The following HCN2 variants were observed in gnomAD, a reference collection of about 807,000 sequenced individuals.
The protein encoded by HCN2 is hyperpolarization activated cyclic nucleotide gated potassium and sodium channel 2, also known as potassium/sodium hyperpolarization-activated cyclic nucleotide-gated channel 2.
Under a neutral mutation model 52.3 loss-of-function variants are expected in HCN2, and 20 were observed. The observed-to-expected ratio is 0.38, with a 90% confidence interval of 0.27 to 0.56. The LOEUF (loss-of-function observed/expected upper bound fraction) is 0.56. Ranked by LOEUF, HCN2 falls within the 20% of genes least tolerant of loss-of-function variation. HCN2 has a pLI of 0.71. For missense variants in HCN2, 981 were observed against 1,207.7 expected (o/e 0.81, Z 2.78); for synonymous variants, 694 against 537.0 (o/e 1.29, Z -4.04).
At position 590,840 on chromosome 19, in the gene HCN2, G is replaced by A. The variant is rs915434018; in HGVS notation, c.632+263G>A. 4.8e-5 allele frequency: 12 copies of A among 250,436 alleles called. No homozygotes were observed. The highest frequency in any genetic ancestry group is 9.1e-5 in the Non-Finnish European group (12 of 131,830). The allele number at this position is 250,436 out of a possible 1,614,324, so 15.5% of individuals were successfully genotyped here. On this transcript the variant is annotated intron_variant, in intron 1 of 7. Coordinates refer to ENST00000251287, the MANE Select transcript of HCN2 (RefSeq NM_001194.4). The surrounding 1 kb of genome is among the most constrained non-coding windows in gnomAD (Gnocchi z 7.2). ...CATCCTCCGCCCTGCGGCGCGGCGG[G>A]TGGGGTGGGCCGCAGGGCCAGGGTC...
chr19:608,881 C>T (rs371315780), intron 4 of HCN2, among the ~76,000 whole-genome samples: 2 of 152,106 alleles, frequency 1.3e-5, no homozygotes, highest in Non-Finnish European at 2.9e-5. Context: ...TGGCCTGCAG[C>T]GTCCATTGGG....
In HCN2 at chr19:616,408, AC is replaced by A; in HGVS notation, c.2607del (p.Gly870AlafsTer57). 1.6e-6 allele frequency: 2 copies of A among 1,234,122 alleles called. No individual in the cohort carries two copies. Among genetic ancestry groups the A allele is most frequent in the South Asian group, 2.2e-5 (1 of 45,110 alleles). The allele number at this position is 1,234,122 out of a possible 1,614,324, so 76.4% of individuals were successfully genotyped here. A position where few individuals can be genotyped will look rare whatever the true frequency, so the allele number is the denominator to read the frequency against. On this transcript the variant is annotated frameshift_variant, in exon 8 of 8. Coordinates refer to ENST00000251287, the MANE Select transcript of HCN2 (RefSeq NM_001194.4). LOFTEE classifies it low-confidence loss of function (END_TRUNC). ...GCCCGGACCGCAGGGACTCGGCCTC[AC>A]CCGGCGCCGCCGGCGGCCTGGACCC... ...PSPDRRDSASPGAAGGLDPQD... is the reference protein window; with the variant it reads ...PSPDRRDSASXGAAGGLDPQD...
At position 616,702 on chromosome 19, in the gene HCN2, C is replaced by T. The variant is rs1050414411; in HGVS notation, c.*228C>T. ...CCACCCCCATCGCCCCTGCCCCCGG[C>T]GGCGGCCTCGCGTGCGAGGGGGCTC... is the stretch of plus-strand genomic sequence containing the variant. On this transcript the variant is annotated 3_prime_UTR_variant, in exon 8 of 8. Coordinates refer to ENST00000251287, the MANE Select transcript of HCN2 (RefSeq NM_001194.4). 32 of 213,482 alleles carry T rather than the reference C, an allele frequency of 1.5e-4. No homozygotes were observed. The highest frequency in any genetic ancestry group is 2.9e-4 in the Admixed American group (5 of 17,056). The allele number at this position is 213,482 out of a possible 1,614,324, so 13.2% of individuals were successfully genotyped here. A position where few individuals can be genotyped will look rare whatever the true frequency, so the allele number is the denominator to read the frequency against.
rs34104611 is a variant in HCN2, at chr19:610,243, C to G, written c.1438-16C>G. 222,795 of 1,607,198 alleles carry G rather than the reference C, an allele frequency of 0.14. 16,371 individuals carry two copies. The highest frequency in any genetic ancestry group is 0.16 in the South Asian group (14,496 of 90,906). On this transcript the variant is annotated splice_polypyrimidine_tract_variant and intron_variant, in intron 4 of 7. Coordinates refer to ENST00000251287, the MANE Select transcript of HCN2 (RefSeq NM_001194.4). ...CCGGGGGCGGTGTCTGACCCAGCCT[C>G]GCCTCCTCCCCACAGTACAAGCAGG...
chr19:610,944 C>T (rs1474112137), intron 5 of HCN2, among the ~76,000 whole-genome samples: 1 of 152,202 alleles, frequency 6.6e-6, no homozygotes, highest in Non-Finnish European at 1.5e-5. Context: ...GAGGATCCTT[C>T]CTGCCTCTTC....
intron 7 of HCN2, among the ~76,000 whole-genome samples, chr19:614,648 A>C (rs1439700634): frequency 2.1e-4 from 32 of 152,048 alleles, no homozygotes; most frequent in Admixed American, 2.0e-3. Context: ...TTGGGGAAGA[A>C]GGGGAGGCCA....
chr19:615,769 A>G (rs1242561261), intron 7 of HCN2, 26 bp from the exon 8 acceptor site: 1 of 1,608,364 alleles, frequency 6.2e-7, no homozygotes, highest in Admixed American at 1.7e-5. Flanking sequence ...CTCCCTGTGC[A>G]CACGCTAACG....
At chr19:612,419 T>TGC (rs1247504083) in intron 5 of HCN2, among the ~76,000 whole-genome samples, 2 of 117,206 alleles carry the variant, frequency 1.7e-5, no homozygotes, top group African/African-American at 6.4e-5. Context: ...TGTGTGTGTG[T>TGC]GTGTGTGTGA....
Position 590,016 on chromosome 19 carries a change from C to G in HCN2, c.71C>G (p.Pro24Arg). Reference sequence around the variant, plus strand: ...GCGACCCCCGCGCCGGGGCCGCCGCCGCCGCCGCCGCCCGCGCCCCCCCAA... The same window carrying G: ...GCGACCCCCGCGCCGGGGCCGCCGCGGCCGCCGCCGCCCGCGCCCCCCCAA... ...PGATPAPGPP[P>R]PPPPAPPQQQ... is the part of the protein sequence containing the mutation. Residue 24 changes from proline (P) to arginine (R), a missense_variant, in exon 1 of 8, where the codon CCG becomes CGG. Coordinates refer to ENST00000251287, the MANE Select transcript of HCN2 (RefSeq NM_001194.4). The surrounding 1 kb of genome is among the most constrained non-coding windows in gnomAD (Gnocchi z 7.2). The G allele has an allele frequency of 5.0e-6, 3 of 602,664 alleles. No individual in the cohort carries two copies. Among genetic ancestry groups the G allele is most frequent in the Non-Finnish European group, 6.1e-6 (3 of 492,174 alleles). The allele number at this position is 602,664 out of a possible 1,614,324, so 37.3% of individuals were successfully genotyped here.
chr19:604,650 C>A (rs1468367831), intron 2 of HCN2, among the ~76,000 whole-genome samples: 3 of 62,512 alleles, frequency 4.8e-5, no homozygotes, highest in Admixed American at 1.8e-4. Context: ...AAGGGCGGGA[C>A]TATGAGGGTT....
At chr19:598,873 C>T (rs1197876106) in intron 1 of HCN2, among the ~76,000 whole-genome samples, 5 of 152,236 alleles carry the variant, frequency 3.3e-5, no homozygotes, top group African/African-American at 1.2e-4. Flanking sequence ...CTCCTTAAGC[C>T]CTGGAATTAC....
chr19:603,977 G>T lies in HCN2; in HGVS notation c.1056+10G>T. On this transcript the variant is annotated intron_variant, in intron 2 of 7. Transcript: ENST00000251287. ...CCATCAGTGGGAGGAGGTGAGGTGG[G>T]GCGGGGGCGGGGCCAAGGCAGCAGG... is the stretch of plus-strand genomic sequence containing the variant. 1 of 1,589,936 alleles carries T rather than the reference G, an allele frequency of 6.3e-7. No individual in the cohort carries two copies. Among genetic ancestry groups the T allele is most frequent in the Non-Finnish European group, 8.5e-7 (1 of 1,170,572 alleles).
At chr19:606,458 G>A (rs1189451523) in intron 3 of HCN2, among the ~76,000 whole-genome samples, 1 of 152,174 alleles carries the variant, frequency 6.6e-6, no homozygotes, top group African/African-American at 2.4e-5. Context: ...TTGCACCACT[G>A]CACTCCAGCC....
At chr19:614,146 G>T in intron 7 of HCN2, 130 bp downstream of exon 7, 1 of 661,722 alleles carries the variant, frequency 1.5e-6, no homozygotes, top group East Asian at 3.2e-5. Flanking sequence ...CACGGTTGGG[G>T]CAGAGACGTG....
intron 1 of HCN2, among the ~76,000 whole-genome samples, chr19:597,006 G>A (rs1033854691): frequency 1.3e-5 from 2 of 152,192 alleles, no homozygotes; most frequent in Non-Finnish European, 2.9e-5. Flanking sequence ...GGGGACATGC[G>A]TGGGCGCCCT....
At chr19:607,075 G>A (rs927770433) in intron 3 of HCN2, among the ~76,000 whole-genome samples, 5 of 152,106 alleles carry the variant, frequency 3.3e-5, no homozygotes, top group African/African-American at 1.2e-4. Flanking sequence ...GAGAGGCCAA[G>A]GCAGGAGAAT....
intron 1 of HCN2, among the ~76,000 whole-genome samples, chr19:601,664 C>T (rs1199004560): frequency 6.6e-6 from 1 of 152,104 alleles, no homozygotes; most frequent in Admixed American, 6.6e-5. Context: ...CAGGGAGAGG[C>T]TGGTAATTTT....
intron 7 of HCN2, among the ~76,000 whole-genome samples, chr19:615,253 T>C (rs1413986570): frequency 1.3e-5 from 2 of 151,970 alleles, no homozygotes; most frequent in Non-Finnish European, 2.9e-5. Context: ...CTCACGCCTG[T>C]AGTCCCAGCA....
chr19:615,684 G>C, intron 7 of HCN2, 111 bp from the exon 8 acceptor site: 6 of 986,902 alleles, frequency 6.1e-6, no homozygotes, highest in Non-Finnish European at 8.0e-6. Context: ...ATGCATGCTT[G>C]CTCTACACGG....
Sources: allele counts gnomAD v4.1 joint callset (sites outside exome capture counted in the v4.1 genomes callset), GRCh38; gene constraint gnomAD v4.1.1; non-coding constraint Gnocchi (gnomAD v3.1); transcripts MANE v1.5; gene names NCBI Gene and HGNC (gene_info 2026-07-23, HGNC 2026-07-21).